Variants in KIAA1217 observed in about 807,000 individuals in gnomAD.
KIAA1217 encodes KIAA1217.
In KIAA1217, 88 loss-of-function variants were observed where a neutral mutation model predicts 163.9. That is an observed-to-expected ratio of 0.54 (90% CI 0.45 to 0.64). The LOEUF (loss-of-function observed/expected upper bound fraction) is 0.64, where lower values mean the gene tolerates loss of function less well. Among genes scored for constraint, KIAA1217 ranks in the 30% least tolerant of loss-of-function variants. KIAA1217 has a pLI of 0.00. For synonymous variants in KIAA1217, 903 were observed against 923.1 expected (o/e 0.98, Z 0.39); for missense variants, 2,372 against 2,475.0 (o/e 0.96, Z 0.88).
At chr10:24,434,869 C>T (rs1222816241) in intron 4 of KIAA1217, among the ~76,000 whole-genome samples, 4 of 152,200 alleles carry the variant, frequency 2.6e-5, no homozygotes, top group Admixed American at 1.3e-4. Context: ...TATTCAAAAG[C>T]ACACAGCCAG....
At chr10:23,763,971 C>G (rs1200119610) in intron 1 of KIAA1217, among the ~76,000 whole-genome samples, 1 of 152,052 alleles carries the variant, frequency 6.6e-6, no homozygotes, top group African/African-American at 2.4e-5. Flanking sequence ...TCTAATTAAA[C>G]TAAAGAGCTT....
intron 2 of KIAA1217, among the ~76,000 whole-genome samples, chr10:24,334,300 G>C (rs562831249): frequency 2.6e-5 from 4 of 152,228 alleles, no homozygotes; most frequent in African/African-American, 9.6e-5. Context: ...AGCTACTTGG[G>C]AGGCCAAGGC....
intron 1 of KIAA1217, among the ~76,000 whole-genome samples, chr10:23,948,276 G>A (rs1439202545): frequency 1.1e-4 from 16 of 152,080 alleles, no homozygotes; most frequent in Non-Finnish European, 2.4e-4. Flanking sequence ...AACCGCATAG[G>A]GTTGTTGTAA....
intron 2 of KIAA1217, among the ~76,000 whole-genome samples, chr10:24,369,992 G>A (rs1229875932): frequency 6.6e-6 from 1 of 152,194 alleles, no homozygotes; most frequent in East Asian, 1.9e-4. Flanking sequence ...CTGGCCGGGC[G>A]CGGCGGCTCA....
intron 1 of KIAA1217, among the ~76,000 whole-genome samples, chr10:23,923,551 T>A (rs1842921669): frequency 6.6e-6 from 1 of 152,002 alleles, no homozygotes; most frequent in South Asian, 2.1e-4. Context: ...AGAAGGAGAT[T>A]TGACTACACA....
chr10:23,804,636 C>T (rs767561554), intron 1 of KIAA1217, among the ~76,000 whole-genome samples: 3 of 152,092 alleles, frequency 2.0e-5, no homozygotes, highest in Non-Finnish European at 4.4e-5. Flanking sequence ...CAGTGCTGTG[C>T]TGGAGATATA....
intron 1 of KIAA1217, among the ~76,000 whole-genome samples, chr10:23,706,148 CTT>C (rs971522692): frequency 6.6e-6 from 1 of 151,940 alleles, no homozygotes; most frequent in African/African-American, 2.4e-5. Flanking sequence ...GTTTTAATAG[CTT>C]TTTGGTAGAT....
intron 2 of KIAA1217, among the ~76,000 whole-genome samples, chr10:24,313,818 G>C (rs1049855584): frequency 5.3e-5 from 8 of 150,464 alleles, no homozygotes; most frequent in African/African-American, 1.9e-4. Flanking sequence ...AAGACTGCAT[G>C]GTTTTGGTGA....
chr10:23,764,404 C>T (rs983489964), intron 1 of KIAA1217, among the ~76,000 whole-genome samples: 8 of 152,046 alleles, frequency 5.3e-5, no homozygotes, highest in African/African-American at 1.9e-4. Context: ...GGCAATTCCT[C>T]AAGGATTTAG....
intron 2 of KIAA1217, among the ~76,000 whole-genome samples, chr10:24,371,211 G>C (rs2051599918): frequency 6.6e-6 from 1 of 152,156 alleles, no homozygotes; most frequent in South Asian, 2.1e-4. Context: ...TCTAATCCTG[G>C]AGTTGAAAAG....
chr10:24,443,270 AC>A (rs1044627504), intron 5 of KIAA1217, among the ~76,000 whole-genome samples: 10 of 152,148 alleles, frequency 6.6e-5, no homozygotes, highest in Non-Finnish European at 1.5e-4. Context: ...CCCCCTGTTT[AC>A]AGATGATGAG....
intron 2 of KIAA1217, among the ~76,000 whole-genome samples, chr10:24,351,960 A>G (rs573064415): frequency 3.9e-4 from 60 of 152,316 alleles, no homozygotes; most frequent in Admixed American, 1.4e-3. Context: ...GTTGATGGGC[A>G]GGACAGGACT....
chr10:23,912,324 T>G (rs374842181), intron 1 of KIAA1217, among the ~76,000 whole-genome samples: 4 of 151,756 alleles, frequency 2.6e-5, no homozygotes, highest in African/African-American at 9.7e-5. Context: ...ATGTTGTGGC[T>G]CCATTTGTTT....
chr10:24,309,350 GCA>G (rs760597469), intron 2 of KIAA1217, among the ~76,000 whole-genome samples: 24,441 of 132,018 alleles, frequency 0.19, 2,399 homozygotes, highest in South Asian at 0.35. Context: ...ACGCGCGCGC[GCA>G]CACACACACA....
chr10:24,491,147 G>A (rs1328536122), intron 6 of KIAA1217, among the ~76,000 whole-genome samples: 1 of 152,074 alleles, frequency 6.6e-6, no homozygotes, highest in Non-Finnish European at 1.5e-5. Flanking sequence ...TGTGTCTGCA[G>A]CTCCCCAGAC....
At chr10:23,699,793 G>T (rs979316799) in intron 1 of KIAA1217, among the ~76,000 whole-genome samples, 1 of 151,980 alleles carries the variant, frequency 6.6e-6, no homozygotes, top group African/African-American at 2.4e-5. Flanking sequence ...CCCAGCCATT[G>T]CTTTCTTTAT....
rs576752495 is a variant in KIAA1217 at position 23,889,550 on chromosome 10, T to C, written c.-320-117675T>C. Among the ~76,000 whole-genome samples, 15 of 152,070 alleles carry C rather than the reference T, an allele frequency of 9.9e-5. No individual in the cohort carries two copies. In the East Asian group the frequency reaches 2.7e-3, roughly 28 times the overall value. ...CTAGATGTGAGCTCTTTGTCAGTTA[T>C]TTGTTTTGCAAATATCTTATCCCTG... On this transcript the variant is annotated intron_variant, in intron 1 of 18. Coordinates refer to the KIAA1217 transcript ENST00000376462.
intron 2 of KIAA1217, among the ~76,000 whole-genome samples, chr10:24,315,101 G>A (rs539428576): frequency 6.6e-5 from 10 of 152,222 alleles, no homozygotes; most frequent in East Asian, 3.9e-4. Context: ...AGGTTGAAGC[G>A]GAGGACAGAG....
chr10:24,026,066 A>G (rs1847927335), intron 2 of KIAA1217, among the ~76,000 whole-genome samples: 1 of 151,852 alleles, frequency 6.6e-6, no homozygotes, highest in African/African-American at 2.4e-5. Context: ...GTAAGGGGAA[A>G]TGTAGTACCT....
Sources: gnomAD v4.1 joint callset for allele counts (sites outside exome capture counted in the v4.1 genomes callset) on GRCh38, gnomAD v4.1.1 for gene constraint, MANE v1.5 for transcripts, NCBI Gene and HGNC (gene_info 2026-07-23, HGNC 2026-07-21) for gene names.